FAM13A: variants seen among roughly 807,000 people sequenced by gnomAD.
FAM13A encodes family with sequence similarity 13 member A, also known as protein FAM13A.
FAM13A carries 76 observed loss-of-function variants against 129.6 expected under a neutral mutation model. The observed-to-expected ratio is 0.59, with a 90% CI of 0.49 to 0.71. FAM13A has a LOEUF of 0.71. FAM13A is among the 30% of genes least tolerant of loss of function. The probability of loss-of-function intolerance (pLI) is 0.00; values close to 1 mark genes in which losing one functional copy is unlikely to be tolerated. For synonymous variants in FAM13A, 443 were observed against 449.9 expected, an observed-to-expected ratio of 0.98 and a Z score of 0.20; for missense variants, 1,108 against 1,249.3, an observed-to-expected ratio of 0.89 and a Z score of 1.70.
intron 6 of FAM13A, among the ~76,000 whole-genome samples, chr4:88,900,892 A>T (rs1334398638): frequency 6.6e-6 from 1 of 152,182 alleles, no homozygotes; most frequent in African/African-American, 2.4e-5. Context: ...TGCTGTCTTC[A>T]AAAGACCTAT....
intron 5 of FAM13A, among the ~76,000 whole-genome samples, chr4:88,913,180 AGTG>A (rs1272777358): frequency 1.4e-3 from 181 of 127,452 alleles, no homozygotes; most frequent in Non-Finnish European, 1.7e-3. Context: ...AAGAGGAAGA[AGTG>A]GAGGAGGAAG....
intron 4 of FAM13A, among the ~76,000 whole-genome samples, chr4:88,945,291 C>T (rs1419881016): frequency 6.6e-6 from 1 of 152,114 alleles, no homozygotes; most frequent in African/African-American, 2.4e-5. Flanking sequence ...TTTCAAAGGA[C>T]AAGTCTCATG....
intron 13 of FAM13A, chr4:88,759,245 A>C: frequency 5.4e-6 from 1 of 186,418 alleles, no homozygotes. Flanking sequence ...AACAACAACA[A>C]TGAAAACCGG....
chr4:88,909,832 T>G (rs1748776601), intron 5 of FAM13A, among the ~76,000 whole-genome samples: 3 of 152,158 alleles, frequency 2.0e-5, no homozygotes, highest in Admixed American at 2.0e-4. Flanking sequence ...TAGGTAATGG[T>G]GATGATTGCA....
intron 5 of FAM13A, among the ~76,000 whole-genome samples, chr4:88,929,675 T>C (rs971246264): frequency 6.6e-6 from 1 of 152,186 alleles, no homozygotes; most frequent in Non-Finnish European, 1.5e-5. Context: ...TCAAGTCTAT[T>C]ATTGGAGCTT....
At chr4:88,881,131 C>T (rs1319194828) in intron 6 of FAM13A, among the ~76,000 whole-genome samples, 2 of 152,224 alleles carry the variant, frequency 1.3e-5, no homozygotes, top group African/African-American at 4.8e-5. Context: ...ACAGCTAATG[C>T]TCTCTTGAAA....
intron 5 of FAM13A, among the ~76,000 whole-genome samples, chr4:88,925,834 G>A (rs1011915695): frequency 2.6e-5 from 4 of 152,132 alleles, no homozygotes; most frequent in Non-Finnish European, 1.5e-5. Flanking sequence ...AAGGCAGAAT[G>A]TTCTAACAGA....
intron 4 of FAM13A, among the ~76,000 whole-genome samples, chr4:88,974,527 G>A (rs1258194427): frequency 6.6e-6 from 1 of 151,980 alleles, no homozygotes; most frequent in Non-Finnish European, 1.5e-5. Context: ...GCCCAGGCTG[G>A]AGTGTAATGG....
chr4:88,781,095 T>A, intron 11 of FAM13A, 70 bp downstream of exon 11: 1 of 1,143,210 alleles, frequency 8.7e-7, no homozygotes, highest in Non-Finnish European at 1.2e-6. Context: ...ACTTTTAATT[T>A]TTTTACAAAG....
chr4:88,919,043 T>C (rs990279912), intron 5 of FAM13A, among the ~76,000 whole-genome samples: 8 of 152,230 alleles, frequency 5.3e-5, no homozygotes, highest in African/African-American at 1.9e-4. Flanking sequence ...TTTATAATCT[T>C]TTACAGAACC....
At chr4:88,909,000 G>A (rs1330039530) in intron 5 of FAM13A, among the ~76,000 whole-genome samples, 1 of 152,098 alleles carries the variant, frequency 6.6e-6, no homozygotes, top group African/African-American at 2.4e-5. Flanking sequence ...ATAACTTAAT[G>A]TATTCTTTTA....
intron 7 of FAM13A, among the ~76,000 whole-genome samples, chr4:88,832,119 A>C (rs770949800): frequency 3.9e-5 from 6 of 152,244 alleles, no homozygotes; most frequent in Non-Finnish European, 8.8e-5. Flanking sequence ...TAAACCTGAC[A>C]AAAGCAAGCA....
At chr4:88,845,087 A>G (rs1736423009) in intron 7 of FAM13A, among the ~76,000 whole-genome samples, 1 of 152,190 alleles carries the variant, frequency 6.6e-6, no homozygotes, top group Non-Finnish European at 1.5e-5. Context: ...TGGAATGGAT[A>G]AAATATAATA....
At chr4:88,926,127 G>A (rs761202993) in intron 5 of FAM13A, among the ~76,000 whole-genome samples, 6 of 151,994 alleles carry the variant, frequency 3.9e-5, no homozygotes, top group Non-Finnish European at 5.9e-5. Flanking sequence ...GGAGAGCTCG[G>A]GCAACAGTGT....
intron 3 of FAM13A, among the ~76,000 whole-genome samples, chr4:89,007,294 A>G (rs561062050): frequency 6.6e-6 from 1 of 152,324 alleles, no homozygotes; most frequent in South Asian, 2.1e-4. Flanking sequence ...AGCTAAAAGG[A>G]CAGCTTCCAT....
intron 6 of FAM13A, among the ~76,000 whole-genome samples, chr4:88,873,998 T>G (rs1741916903): frequency 6.6e-6 from 1 of 152,076 alleles, no homozygotes. Context: ...CGCAAATCAA[T>G]AGACGTAATC....
chr4:88,977,345 C>G lies in FAM13A; in HGVS notation c.605+13628G>C, dbSNP rs374236650. On this transcript the variant is annotated intron_variant, in intron 4 of 23. Coordinates refer to ENST00000264344, the MANE Select transcript of FAM13A (RefSeq NM_014883.4). ...GGATATGATGTGCAAAGAGATGAAG[C>G]CATAGAAAGTGAAACTGCAAATAAA... Among the ~76,000 whole-genome samples, 5 of 152,036 alleles carry G rather than the reference C, an allele frequency of 3.3e-5. No homozygotes were observed. The South Asian group carries it at 6.2e-4, about 19-fold the overall frequency.
intron 3 of FAM13A, among the ~76,000 whole-genome samples, chr4:89,000,152 T>C (rs752392057): frequency 6.6e-6 from 1 of 152,164 alleles, no homozygotes; most frequent in Non-Finnish European, 1.5e-5. Context: ...AGAAAATAGT[T>C]ACTCAAAATA....
At chr4:88,857,603 T>C (rs1444550463) in intron 6 of FAM13A, among the ~76,000 whole-genome samples, 1 of 126,332 alleles carries the variant, frequency 7.9e-6, no homozygotes, top group Non-Finnish European at 1.6e-5. Flanking sequence ...CACTCCAGCC[T>C]GGGCAACAGA....
Sources: allele counts gnomAD v4.1 joint callset (sites outside exome capture counted in the v4.1 genomes callset), GRCh38; gene constraint gnomAD v4.1.1; transcripts MANE v1.5; gene names NCBI Gene and HGNC (gene_info 2026-07-23, HGNC 2026-07-21).